Variants in LCOR observed in about 807,000 individuals in gnomAD.
The protein encoded by LCOR is ligand dependent nuclear receptor corepressor.
Under a neutral mutation model 64.4 loss-of-function variants are expected in LCOR, and 14 were observed. That is an observed-to-expected ratio of 0.22 (90% CI 0.14 to 0.34). The LOEUF is 0.34. LCOR is among the 10% of genes least tolerant of loss of function. LCOR has a pLI of 1.00. For synonymous variants in LCOR, 643 were observed against 642.5 expected, an observed-to-expected ratio of 1.00 and a Z score of -0.01; for missense variants, 1,686 against 1,765.3, an observed-to-expected ratio of 0.96 and a Z score of 0.80.
intron 2 of LCOR, among the ~76,000 whole-genome samples, chr10:96,837,237 G>A (rs775571229): frequency 7.9e-5 from 12 of 151,840 alleles, no homozygotes; most frequent in South Asian, 2.1e-4. Flanking sequence ...TGATCTGCCC[G>A]CCTTGGCCTC....
chr10:96,867,212 C>T (rs920278344), intron 2 of LCOR, among the ~76,000 whole-genome samples: 2 of 152,094 alleles, frequency 1.3e-5, no homozygotes, highest in Admixed American at 6.6e-5. Context: ...AGGCTGATGT[C>T]GAACTCCCGA....
At chr10:96,914,348 C>G (rs1317801174) in intron 4 of LCOR, among the ~76,000 whole-genome samples, 4 of 152,180 alleles carry the variant, frequency 2.6e-5, no homozygotes, top group Non-Finnish European at 4.4e-5. Context: ...CAGGTGTCCA[C>G]CACCACACCT....
intron 4 of LCOR, among the ~76,000 whole-genome samples, chr10:96,908,865 G>A (rs368264100): frequency 1.3e-5 from 2 of 151,964 alleles, no homozygotes; most frequent in Admixed American, 6.6e-5. Context: ...ACAGGCGCCC[G>A]CCACCTCGCC....
intron 7 of LCOR, chr10:96,960,317 C>T (rs1847859502): frequency 6.6e-6 from 1 of 152,136 alleles, no homozygotes; most frequent in Non-Finnish European, 1.5e-5. Context: ...TTTCATAAGA[C>T]AAATTGAGTC....
chr10:96,897,403 T>A (rs1350812521), intron 2 of LCOR, among the ~76,000 whole-genome samples: 1 of 152,210 alleles, frequency 6.6e-6, no homozygotes, highest in African/African-American at 2.4e-5. Flanking sequence ...AATTGACTCA[T>A]TCCTGATCAA....
intron 2 of LCOR, among the ~76,000 whole-genome samples, chr10:96,863,040 G>T (rs1845913614): frequency 6.8e-6 from 1 of 146,676 alleles, no homozygotes; most frequent in East Asian, 2.1e-4. Flanking sequence ...ACCACCACAT[G>T]CCCGGCTAAT....
chr10:96,832,948 C>G lies in LCOR; in HGVS notation c.-403-458C>G, dbSNP rs1208869629. The G allele has an allele frequency of 6.7e-5, 65 of 976,860 alleles. No individual in the cohort carries two copies. The South Asian group carries it at 1.7e-3, about 26-fold the overall frequency. 60.5% of individuals were successfully genotyped at this position (976,860 alleles called of 1,614,324 possible). On this transcript the variant is annotated intron_variant, in intron 1 of 7. Coordinates refer to ENST00000421806, the MANE Select transcript of LCOR (RefSeq NM_001346516.2). ...GGGCTGCAGGCGGGCGCCCGGCGCT[C>G]GGGCGTGTGCGAAGCGTGAGGTGGA...
At position 96,927,007 on chromosome 10, in the gene LCOR, ATTG is replaced by A. The variant is rs776035837; in HGVS notation, c.-183-17103_-183-17101del. On this transcript the variant is annotated intron_variant, in intron 4 of 7. Transcript: ENST00000421806. The stretch of plus-strand genomic sequence containing the variant: ...ATTGTGTACATCTTTTTGTGGACAT[ATTG>A]TTTGATTTCTTTGGGATCAATACCT... Among the ~76,000 whole-genome samples the A allele has an allele frequency of 3.9e-5, 6 of 151,992 alleles. No homozygotes were observed. The East Asian group carries it at 7.7e-4, about 20-fold the overall frequency.
At chr10:96,855,413 G>A (rs565591706) in intron 2 of LCOR, among the ~76,000 whole-genome samples, 2 of 147,630 alleles carry the variant, frequency 1.4e-5, no homozygotes, top group African/African-American at 5.2e-5. Flanking sequence ...GACTGACGCT[G>A]TTTTTTTTTG....
intron 4 of LCOR, among the ~76,000 whole-genome samples, chr10:96,909,612 A>G (rs1375365891): frequency 2.6e-5 from 4 of 152,194 alleles, no homozygotes; most frequent in African/African-American, 4.8e-5. Flanking sequence ...ATCACTATTT[A>G]TCTGTGTTGG....
chr10:96,976,804 G>A (rs1297902913), intron 7 of LCOR, among the ~76,000 whole-genome samples: 1 of 152,134 alleles, frequency 6.6e-6, no homozygotes, highest in Non-Finnish European at 1.5e-5. Flanking sequence ...TTCAACCCCA[G>A]GCATCTCATT....
At chr10:96,980,721 G>T in intron 7 of LCOR, 72 bp from the exon 8 acceptor site, 1 of 606,504 alleles carries the variant, frequency 1.6e-6, no homozygotes, top group Non-Finnish European at 2.9e-6. Context: ...AACGTTGGGT[G>T]AATTTTATAA....
At chr10:96,859,132 G>C (rs1266634268) in intron 2 of LCOR, among the ~76,000 whole-genome samples, 3 of 152,060 alleles carry the variant, frequency 2.0e-5, no homozygotes, top group African/African-American at 7.2e-5. Context: ...ACAGGATCCA[G>C]GAGTTTTAAC....
intron 4 of LCOR, among the ~76,000 whole-genome samples, chr10:96,921,578 C>T (rs904728577): frequency 2.0e-5 from 3 of 152,206 alleles, no homozygotes; most frequent in African/African-American, 7.2e-5. Flanking sequence ...TCTTGTGCTT[C>T]AGCCATAAGA....
chr10:96,881,528 C>G (rs988011030), intron 2 of LCOR, among the ~76,000 whole-genome samples: 43 of 151,722 alleles, frequency 2.8e-4, no homozygotes, highest in African/African-American at 1.0e-3. Flanking sequence ...GCAGTCTCAG[C>G]TCACTGCAAC....
In LCOR at chr10:96,992,310, C is replaced by T. The variant is rs1848208038; in HGVS notation, c.*7176C>T. ...ATAGTGATATTTTCCTGTTCAGATA[C>T]TTCTATAGAAAGTATTTATTTTAAC... On this transcript the variant is annotated 3_prime_UTR_variant, in exon 8 of 8. Coordinates refer to ENST00000421806, the MANE Select transcript of LCOR (RefSeq NM_001346516.2). The T allele has an allele frequency of 6.6e-6, 1 of 152,208 alleles. No homozygotes were observed. The highest frequency in any genetic ancestry group is 2.4e-5 in the African/African-American group (1 of 41,442). 9.4% of individuals were successfully genotyped at this position (152,208 alleles called of 1,614,324 possible).
rs1201586002 is a variant in LCOR at position 96,989,562 on chromosome 10, C to T, written c.*4428C>T. The T allele has an allele frequency of 6.6e-6, 1 of 150,634 alleles. No homozygotes were observed. The highest frequency in any genetic ancestry group is 1.5e-5 in the Non-Finnish European group (1 of 67,814). 9.3% of individuals were successfully genotyped at this position (150,634 alleles called of 1,614,324 possible). ...ATTAAAGGTAAGCCAACAAATAAAA[C>T]ATAGAGGCTTTTGAAGTGCTTTAAT... On this transcript the variant is annotated 3_prime_UTR_variant, in exon 8 of 8. Coordinates refer to ENST00000421806, the MANE Select transcript of LCOR (RefSeq NM_001346516.2).
rs1184439171 is a variant in LCOR at position 96,993,742 on chromosome 10, TTATATTATATATA to T, written c.*8627_*8639del. On this transcript the variant is annotated 3_prime_UTR_variant, in exon 8 of 8. Coordinates refer to ENST00000421806, the MANE Select transcript of LCOR (RefSeq NM_001346516.2). ...TGCCCCCTCTTCTCATCTGGTTATGTTATATTATATATATATATTATATATATATATATACAGG... is the reference window on the plus strand; with the variant it reads ...TGCCCCCTCTTCTCATCTGGTTATGTTATATTATATATATATATATACAGG... The T allele has an allele frequency of 2.0e-5, 3 of 147,506 alleles. No homozygotes were observed. Among genetic ancestry groups the T allele is most frequent in the Admixed American group, 6.7e-5 (1 of 14,820 alleles). The allele number at this position is 147,506 out of a possible 1,614,324, so 9.1% of individuals were successfully genotyped here. A position where few individuals can be genotyped will look rare whatever the true frequency, so the allele number is the denominator to read the frequency against.
Position 96,920,790 on chromosome 10 carries a change from A to ACG in LCOR, c.-184+13048_-184+13049dup, listed in dbSNP as rs367624526. Among the ~76,000 whole-genome samples the ACG allele has an allele frequency of 3.2e-4, 27 of 85,328 alleles. 2 individuals are homozygous for ACG. Among genetic ancestry groups the ACG allele is most frequent in the East Asian group, 1.5e-3 (3 of 2,056 alleles). 56.0% of individuals were successfully genotyped at this position (85,328 alleles called of 152,430 possible). On this transcript the variant is annotated intron_variant, in intron 4 of 7. Coordinates refer to ENST00000421806, the MANE Select transcript of LCOR (RefSeq NM_001346516.2). ...CACACACACACACACACACACACACACGCGCGGTGGGGGGGTGGTGGGCGG... is the reference window on the plus strand; with the variant it reads ...CACACACACACACACACACACACACACGCGCGCGGTGGGGGGGTGGTGGGCGG...
Sources: allele counts gnomAD v4.1 joint callset (sites outside exome capture counted in the v4.1 genomes callset), GRCh38; gene constraint gnomAD v4.1.1; transcripts MANE v1.5; gene names NCBI Gene and HGNC (gene_info 2026-07-23, HGNC 2026-07-21).